Variants in NFATC3 observed in about 807,000 individuals in gnomAD.
NFATC3 encodes the protein nuclear factor of activated T-cells, cytoplasmic 3.
A neutral mutation model predicts 98.6 loss-of-function variants in NFATC3; 46 were observed. The observed-to-expected ratio is 0.47, with a 90% CI of 0.37 to 0.60. NFATC3 has a LOEUF of 0.60. NFATC3 is among the 20% of genes least tolerant of loss of function. The pLI is 0.00. For missense variants in NFATC3, 1,256 were observed against 1,295.5 expected, an observed-to-expected ratio of 0.97 and a Z score of 0.47; for synonymous variants, 512 against 472.2, an observed-to-expected ratio of 1.08 and a Z score of -1.09.
intron 3 of NFATC3, among the ~76,000 whole-genome samples, chr16:68,138,214 A>G (rs1181670347): frequency 6.6e-6 from 1 of 150,680 alleles, no homozygotes; most frequent in Non-Finnish European, 1.5e-5. Flanking sequence ...TAATTTTTGT[A>G]TTTTTAGTAG....
chr16:68,155,761 T>A (rs1301870457), intron 3 of NFATC3, among the ~76,000 whole-genome samples: 1 of 152,174 alleles, frequency 6.6e-6, no homozygotes, highest in Non-Finnish European at 1.5e-5. Flanking sequence ...TATTTTCTGC[T>A]TGAGTCTCTA....
chr16:68,090,561 C>G (rs985137416), intron 1 of NFATC3, among the ~76,000 whole-genome samples: 5 of 152,054 alleles, frequency 3.3e-5, no homozygotes, highest in African/African-American at 9.7e-5. Flanking sequence ...TAATTCTAGT[C>G]TTTTAAATGT....
chr16:68,099,490 A>C (rs1398508046), intron 1 of NFATC3, among the ~76,000 whole-genome samples: 2 of 151,554 alleles, frequency 1.3e-5, no homozygotes, highest in Non-Finnish European at 2.9e-5. Context: ...AATCTCAGCT[A>C]CTGGGAAGGC....
At chr16:68,183,111 A>G in intron 7 of NFATC3, 129 bp from the exon 8 acceptor site, 1 of 868,640 alleles carries the variant, frequency 1.2e-6, no homozygotes, top group Non-Finnish European at 1.7e-6. Context: ...GATGATGTAT[A>G]TGACTAGCTG....
At chr16:68,164,107 G>A (rs1462787829) in intron 4 of NFATC3, among the ~76,000 whole-genome samples, 1 of 152,212 alleles carries the variant, frequency 6.6e-6, no homozygotes, top group African/African-American at 2.4e-5. Flanking sequence ...TCCAGCCTAG[G>A]CACCATTGAG....
intron 3 of NFATC3, among the ~76,000 whole-genome samples, chr16:68,132,818 G>C (rs1416094728): frequency 6.6e-6 from 1 of 152,128 alleles, no homozygotes; most frequent in East Asian, 1.9e-4. Context: ...TAAAAAATTT[G>C]AGCTCATAGA....
In NFATC3 at chr16:68,126,469, A is replaced by G; in HGVS notation, c.1260A>G (p.Leu420=). 1.2e-6 allele frequency: 2 copies of G among 1,613,980 alleles called. No homozygotes were observed. Among genetic ancestry groups the G allele is most frequent in the Non-Finnish European group, 1.7e-6 (2 of 1,179,880 alleles). The change falls in exon 3 of 10, where the codon CTA becomes CTG. Residue 420 remains leucine, a synonymous_variant. Coordinates refer to ENST00000346183, the MANE Select transcript of NFATC3 (RefSeq NM_173165.3). The part of the protein sequence containing the change: ...PIFRTSSLPP[L]DWPLPAHFGQ... ...GTAGCACATCTTCATTACCTCCACT[A>G]GACTGGCCTTTACCAGCTCATTTTG...
At chr16:68,216,620 C>T (rs1178348816) in intron 9 of NFATC3, among the ~76,000 whole-genome samples, 2 of 152,098 alleles carry the variant, frequency 1.3e-5, no homozygotes, top group African/African-American at 4.8e-5. Flanking sequence ...CAACCTCCGC[C>T]TCCCAGGTTC....
chr16:68,165,296 T>G (rs758098725), intron 4 of NFATC3, among the ~76,000 whole-genome samples: 2 of 152,068 alleles, frequency 1.3e-5, no homozygotes, highest in Non-Finnish European at 2.9e-5. Context: ...AAAATTCTTC[T>G]CCTGTGTCTT....
In NFATC3 at chr16:68,174,423, C is replaced by G; in HGVS notation, c.1824C>G (p.Asn608Lys). The change falls in exon 6 of 10, where the codon AAC (asparagine) becomes AAG (lysine). Residue 608 changes from asparagine (N) to lysine (K), a missense_variant. By Grantham distance (94) the Asn-to-Lys change is moderately conservative. This residue lies in a region of NFATC3 where 636 missense variants were observed against 617.3 expected (regional missense o/e 1.03). Coordinates refer to ENST00000346183, the MANE Select transcript of NFATC3 (RefSeq NM_173165.3). ...ELPHIEKYSI[N>K]SCSVNGGHEM... ...CTCATATTGAGAAGTACAGTATCAA[C>G]AGTTGTTCTGTAAATGGAGGTCATG... 1 of 1,604,114 alleles carries G rather than the reference C, an allele frequency of 6.2e-7. No individual in the cohort carries two copies. The highest frequency in any genetic ancestry group is 8.5e-7 in the Non-Finnish European group (1 of 1,174,984).
At chr16:68,175,880 T>C (rs956371300) in intron 6 of NFATC3, among the ~76,000 whole-genome samples, 1 of 152,134 alleles carries the variant, frequency 6.6e-6, no homozygotes, top group South Asian at 2.1e-4. Context: ...TAATATAATA[T>C]AACAAATACT....
intron 1 of NFATC3, chr16:68,086,929 C>A: frequency 2.9e-6 from 1 of 348,008 alleles, no homozygotes; most frequent in Non-Finnish European, 4.0e-6. Context: ...GCACCTATTA[C>A]GTCGAACCAC....
chr16:68,131,193 G>T (rs781045289), intron 3 of NFATC3, among the ~76,000 whole-genome samples: 1 of 152,078 alleles, frequency 6.6e-6, no homozygotes, highest in Non-Finnish European at 1.5e-5. Flanking sequence ...GAATGTCCTT[G>T]GTATTTTGAC....
intron 3 of NFATC3, among the ~76,000 whole-genome samples, chr16:68,155,696 A>G (rs1598461000): frequency 6.6e-6 from 1 of 152,176 alleles, no homozygotes; most frequent in Non-Finnish European, 1.5e-5. Flanking sequence ...CTTCAGACAC[A>G]GTTTAAGAGC....
intron 3 of NFATC3, among the ~76,000 whole-genome samples, chr16:68,144,399 A>C (rs537506110): frequency 6.6e-6 from 1 of 152,268 alleles, no homozygotes; most frequent in South Asian, 2.1e-4. Flanking sequence ...AGCTTCCCTT[A>C]TGCCCCACCA....
Position 68,094,942 on chromosome 16 carries a change from A to C in NFATC3, c.103+9158A>C, listed in dbSNP as rs1489177422. Among the ~76,000 whole-genome samples, 4 of 152,138 alleles carry C rather than the reference A, an allele frequency of 2.6e-5. No individual in the cohort carries two copies. The East Asian group carries it at 7.7e-4, about 29-fold the overall frequency. On this transcript the variant is annotated intron_variant, in intron 1 of 9. Transcript: ENST00000346183. ...TTAACCTTGCGTTTCATTGACCAAA[A>C]CTGGGTTACATTCCCTTTCCTAAAT...
At chr16:68,170,146 A>G (rs1294147401) in intron 5 of NFATC3, among the ~76,000 whole-genome samples, 4 of 152,212 alleles carry the variant, frequency 2.6e-5, no homozygotes, top group Admixed American at 2.6e-4. Context: ...TAATCCCAGC[A>G]CTTTGAGAGG....
At chr16:68,195,233 C>G (rs1007046644) in intron 9 of NFATC3, among the ~76,000 whole-genome samples, 4 of 151,850 alleles carry the variant, frequency 2.6e-5, no homozygotes, top group African/African-American at 9.7e-5. Context: ...CCAGCTTGGG[C>G]GACAAGAACG....
chr16:68,136,065 C>A (rs1198886479), intron 3 of NFATC3, among the ~76,000 whole-genome samples: 3 of 148,872 alleles, frequency 2.0e-5, no homozygotes, highest in East Asian at 2.0e-4. Context: ...CATTCCATCT[C>A]AAAAAAAAAG....
Sources: gnomAD v4.1 joint callset for allele counts (sites outside exome capture counted in the v4.1 genomes callset) on GRCh38, gnomAD v4.1.1 for gene constraint, gnomAD v4.1.1 regional missense constraint, MANE v1.5 for transcripts, NCBI Gene and HGNC (gene_info 2026-07-23, HGNC 2026-07-21) for gene names.